Variants in MEGF10 observed in about 807,000 individuals in gnomAD.
MEGF10 encodes multiple EGF like domains 10.
In MEGF10, 86 loss-of-function variants were observed where a neutral mutation model predicts 147.5. The observed-to-expected ratio is 0.58, with a 90% CI of 0.49 to 0.70. MEGF10 has a LOEUF of 0.70. MEGF10 is among the 30% of genes least tolerant of loss of function. MEGF10 has a pLI of 0.00. For missense variants in MEGF10, 1,329 were observed against 1,487.3 expected (o/e 0.89, Z 1.75); for synonymous variants, 478 against 525.5 (o/e 0.91, Z 1.24).
rs374544972 is a variant in MEGF10 at position 127,438,491 on chromosome 5, T to C, written c.2157T>C (p.His719=). Residue 719 remains histidine (H), a synonymous_variant, in exon 17 of 25, where the codon CAT becomes CAC. Transcript: ENST00000503335. ...GPNCIHTCNC[H]NGAFCSAYDG... is the part of the protein sequence containing the mutation. ...ACTGCATCCACACGTGCAACTGCCA[T>C]AATGGAGCTTTCTGCAGCGCCTACG... is the stretch of plus-strand genomic sequence containing the variant. The C allele has an allele frequency of 1.5e-5, 25 of 1,614,002 alleles. No individual in the cohort carries two copies. The African/African-American group carries it at 2.1e-4, about 14-fold the overall frequency.
chr5:127,264,145 G>A, the MEGF10 span, among the ~76,000 whole-genome samples: 1 of 152,056 alleles, frequency 6.6e-6, no homozygotes, highest in Non-Finnish European at 1.5e-5. Context: ...TATAAATAAG[G>A]TACTTTTTAA....
intron 9 of MEGF10, among the ~76,000 whole-genome samples, chr5:127,412,952 ATGGTGAC>A (rs1459887437): frequency 2.6e-4 from 40 of 152,188 alleles, no homozygotes; most frequent in Non-Finnish European, 4.0e-4. Flanking sequence ...GCTTTTTCAC[ATGGTGAC>A]TGGTTTCTAA....
At chr5:127,233,937 G>A in the MEGF10 span, among the ~76,000 whole-genome samples, 1 of 152,100 alleles carries the variant, frequency 6.6e-6, no homozygotes, top group East Asian at 1.9e-4. Flanking sequence ...GCTATCTGTG[G>A]GGATTTTTTA....
chr5:127,363,920 G>A (rs1441569968), intron 4 of MEGF10, among the ~76,000 whole-genome samples: 3 of 152,098 alleles, frequency 2.0e-5, no homozygotes, highest in Admixed American at 6.6e-5. Flanking sequence ...CAAGTAAAAC[G>A]TTATGGAACT....
In MEGF10 at chr5:127,402,631, G is replaced by T; in HGVS notation, c.866G>T (p.Cys289Phe). The change falls in exon 8 of 25, where the codon TGT becomes TTT. Residue 289 changes from cysteine to phenylalanine, a missense_variant. Physicochemically the swap from Cys to Phe is radical, Grantham distance 205. Coordinates refer to ENST00000503335, the MANE Select transcript of MEGF10 (RefSeq NM_001256545.2). ...TGCCAGTGCCATAATGGAGGGACGT[G>T]TGATGCTGCCACAGGCCAATGTCAT... ...QECQCHNGGT[C>F]DAATGQCHCS... 6.2e-7 allele frequency: 1 copy of T among 1,614,168 alleles called. No homozygotes were observed. Among genetic ancestry groups the T allele is most frequent in the Non-Finnish European group, 8.5e-7 (1 of 1,180,022 alleles).
At chr5:127,293,291 A>C (rs970779280) in intron 1 of MEGF10, among the ~76,000 whole-genome samples, 5 of 152,244 alleles carry the variant, frequency 3.3e-5, no homozygotes, top group African/African-American at 1.2e-4. Context: ...GAGTAACAAC[A>C]TCGATAATTA....
chr5:127,248,701 A>G, the MEGF10 span, among the ~76,000 whole-genome samples: 2 of 151,984 alleles, frequency 1.3e-5, no homozygotes, highest in Non-Finnish European at 2.9e-5. Context: ...AAACATGGAT[A>G]GAGCCTCAGA....
At chr5:127,361,274 C>T (rs1272575217) in intron 4 of MEGF10, among the ~76,000 whole-genome samples, 1 of 151,802 alleles carries the variant, frequency 6.6e-6, no homozygotes, top group Non-Finnish European at 1.5e-5. Flanking sequence ...TAAGCTTTAG[C>T]AGTTTCTTCA....
chr5:127,452,676 C>G (rs1766199355), intron 22 of MEGF10, among the ~76,000 whole-genome samples: 1 of 152,126 alleles, frequency 6.6e-6, no homozygotes, highest in African/African-American at 2.4e-5. Flanking sequence ...TGGCCCAAAC[C>G]CCCCACCATA....
chr5:127,348,271 A>G (rs1761964676), intron 4 of MEGF10, among the ~76,000 whole-genome samples: 1 of 152,080 alleles, frequency 6.6e-6, no homozygotes, highest in African/African-American at 2.4e-5. Flanking sequence ...AGTCATATAA[A>G]ATGTATTGTC....
intron 5 of MEGF10, among the ~76,000 whole-genome samples, chr5:127,381,253 A>G (rs1763251949): frequency 6.6e-6 from 1 of 152,228 alleles, no homozygotes; most frequent in Non-Finnish European, 1.5e-5. Context: ...ACTACAAATT[A>G]TTTCTAATCA....
At chr5:127,236,321 G>A in the MEGF10 span, among the ~76,000 whole-genome samples, 1 of 152,132 alleles carries the variant, frequency 6.6e-6, no homozygotes, top group Non-Finnish European at 1.5e-5. Context: ...AGGCTTTGGT[G>A]GCCATATACA....
chr5:127,390,693 G>T (rs1314678387), intron 5 of MEGF10, among the ~76,000 whole-genome samples: 3 of 152,100 alleles, frequency 2.0e-5, no homozygotes, highest in South Asian at 4.1e-4. Flanking sequence ...GTATTCCATT[G>T]TATGACTGTA....
chr5:127,412,142 A>T (rs1308838765), intron 9 of MEGF10, among the ~76,000 whole-genome samples: 1 of 152,256 alleles, frequency 6.6e-6, no homozygotes, highest in Non-Finnish European at 1.5e-5. Flanking sequence ...AAAGAAGTAC[A>T]TGACATTTTT....
intron 4 of MEGF10, among the ~76,000 whole-genome samples, chr5:127,344,204 T>C (rs1042950093): frequency 6.6e-6 from 1 of 152,194 alleles, no homozygotes; most frequent in Non-Finnish European, 1.5e-5. Context: ...TATGTATATA[T>C]GAGCCAGACA....
the MEGF10 span, among the ~76,000 whole-genome samples, chr5:127,276,105 T>G: frequency 6.6e-6 from 1 of 152,336 alleles, no homozygotes; most frequent in Non-Finnish European, 1.5e-5. Context: ...CATAACTATC[T>G]TTTTCTTAGT....
intron 5 of MEGF10, among the ~76,000 whole-genome samples, chr5:127,373,027 A>G (rs1218624707): frequency 1.3e-5 from 2 of 152,234 alleles, no homozygotes; most frequent in Non-Finnish European, 2.9e-5. Flanking sequence ...CTTCTCCTGC[A>G]TTTATTCAAA....
the MEGF10 span, among the ~76,000 whole-genome samples, chr5:127,237,019 A>G: frequency 6.6e-6 from 1 of 152,156 alleles, no homozygotes; most frequent in Non-Finnish European, 1.5e-5. Context: ...TTGACTTCCT[A>G]TTTACCCAAA....
At chr5:127,277,185 G>T in the MEGF10 span, among the ~76,000 whole-genome samples, 7,113 of 152,212 alleles carry the variant, frequency 0.047, 270 homozygotes, top group African/African-American at 0.1. Context: ...ATTTCCCCAG[G>T]TGCAAGAGTT....
Sources: gnomAD v4.1 joint callset for allele counts (sites outside exome capture counted in the v4.1 genomes callset) on GRCh38, gnomAD v4.1.1 for gene constraint, MANE v1.5 for transcripts, NCBI Gene and HGNC (gene_info 2026-07-23, HGNC 2026-07-21) for gene names.